ST8SIA4: variants seen among roughly 807,000 people sequenced by gnomAD.
ST8SIA4 encodes the protein ST8 alpha-N-acetyl-neuraminide alpha-2,8-sialyltransferase 4.
In ST8SIA4, 15 loss-of-function variants were observed where a neutral mutation model predicts 33.9. The observed-to-expected ratio is 0.44, with a 90% CI of 0.30 to 0.68. The LOEUF (loss-of-function observed/expected upper bound fraction) is 0.68, where lower values mean the gene tolerates loss of function less well. ST8SIA4 is among the 30% of genes least tolerant of loss of function. The pLI is 0.10. For synonymous variants in ST8SIA4, 171 were observed against 151.2 expected (o/e 1.13, Z -0.96); for missense variants, 321 against 428.0 (o/e 0.75, Z 2.21).
chr5:100,823,565 T>A (rs1230787943), intron 4 of ST8SIA4, among the ~76,000 whole-genome samples: 1 of 152,234 alleles, frequency 6.6e-6, no homozygotes, highest in East Asian at 1.9e-4. Flanking sequence ...AAATTTAAGT[T>A]CAGTTTCATT....
At chr5:100,874,959 G>A (rs1319708724) in intron 3 of ST8SIA4, among the ~76,000 whole-genome samples, 2 of 151,968 alleles carry the variant, frequency 1.3e-5, no homozygotes, top group African/African-American at 4.8e-5. Context: ...CAATCCAAGT[G>A]CAAAATTTAA....
intron 3 of ST8SIA4, among the ~76,000 whole-genome samples, chr5:100,865,566 C>A (rs1245787487): frequency 1.3e-5 from 2 of 152,146 alleles, no homozygotes; most frequent in African/African-American, 4.8e-5. Flanking sequence ...GTGACTATCC[C>A]AATGATATTT....
chr5:100,811,313 A>G lies in ST8SIA4; in HGVS notation c.*534T>C, dbSNP rs940543541. On this transcript the variant is annotated 3_prime_UTR_variant, in exon 5 of 5. Coordinates refer to ENST00000231461, the MANE Select transcript of ST8SIA4 (RefSeq NM_005668.6). The stretch of plus-strand genomic sequence containing the variant: ...CAATATCCAAACCAAAAGAGATTCC[A>G]GAAGACAAAAAAAAAACATAAATTA... 7 of 106,144 alleles carry G rather than the reference A, an allele frequency of 6.6e-5. No homozygotes were observed. Among genetic ancestry groups the G allele is most frequent in the African/African-American group, 2.2e-4 (7 of 31,272 alleles). 6.6% of individuals were successfully genotyped at this position (106,144 alleles called of 1,614,324 possible). A position where few individuals can be genotyped will look rare whatever the true frequency, so the allele number is the denominator to read the frequency against.
chr5:100,900,556 C>G, intron 1 of ST8SIA4: 1 of 453,874 alleles, frequency 2.2e-6, no homozygotes, highest in South Asian at 1.6e-5. Context: ...CTCAGGGAGC[C>G]TAGCTGCCCT....
chr5:100,889,544 C>G (rs992547427), intron 2 of ST8SIA4, among the ~76,000 whole-genome samples: 1 of 151,928 alleles, frequency 6.6e-6, no homozygotes, highest in African/African-American at 2.4e-5. Context: ...ACATGCTAGT[C>G]AACTAACGTC....
chr5:100,836,065 A>C (rs912674671), intron 4 of ST8SIA4, among the ~76,000 whole-genome samples: 5 of 152,106 alleles, frequency 3.3e-5, no homozygotes, highest in Non-Finnish European at 1.5e-5. Flanking sequence ...GAAAGAGAGA[A>C]ATACCTTGAG....
intron 4 of ST8SIA4, among the ~76,000 whole-genome samples, chr5:100,812,372 G>C (rs897708545): frequency 4.0e-5 from 6 of 151,758 alleles, no homozygotes; most frequent in Non-Finnish European, 8.8e-5. Flanking sequence ...CTGGAATGTA[G>C]GTGAATATTA....
chr5:100,896,434 A>G (rs975140498), intron 1 of ST8SIA4, among the ~76,000 whole-genome samples: 1 of 152,136 alleles, frequency 6.6e-6, no homozygotes, highest in East Asian at 1.9e-4. Context: ...TATTGGGAAG[A>G]AAGAGTGAAT....
intron 4 of ST8SIA4, chr5:100,849,416 T>A: frequency 1.0e-6 from 1 of 985,442 alleles, no homozygotes; most frequent in Non-Finnish European, 1.2e-6. Context: ...TTAGTTAGAA[T>A]TGTTCAAATC....
chr5:100,894,047 C>T (rs1324835715), intron 2 of ST8SIA4, among the ~76,000 whole-genome samples: 1 of 152,112 alleles, frequency 6.6e-6, no homozygotes, highest in Non-Finnish European at 1.5e-5. Flanking sequence ...ATAATTATCT[C>T]ATCTCTCACA....
chr5:100,852,680 T>C (rs773020781), intron 4 of ST8SIA4, among the ~76,000 whole-genome samples: 2 of 152,214 alleles, frequency 1.3e-5, no homozygotes, highest in Non-Finnish European at 2.9e-5. Flanking sequence ...TTACTGAATA[T>C]GGTTTCAAAA....
At position 100,846,867 on chromosome 5, in the gene ST8SIA4, A is replaced by C. The variant is rs187734609; in HGVS notation, c.797+9236T>G. ...TTCCAGTTTGAGCCACACACTTGGG[A>C]ATATCTTCTCAGACATAAACTATTT... On this transcript the variant is annotated intron_variant, in intron 4 of 4. Transcript: ENST00000231461. Among the ~76,000 whole-genome samples, 253 of 152,248 alleles carry C rather than the reference A, an allele frequency of 1.7e-3. 1 individual carries two copies. Among genetic ancestry groups the C allele is most frequent in the Non-Finnish European group, 2.9e-3 (195 of 67,972 alleles).
intron 4 of ST8SIA4, among the ~76,000 whole-genome samples, chr5:100,850,801 CAT>C (rs33937752): frequency 0.55 from 82,438 of 149,806 alleles, 24,133 homozygotes; most frequent in South Asian, 0.74. Context: ...ATATATATAA[CAT>C]GTGTGTGTAT....
chr5:100,872,466 C>T lies in ST8SIA4; in HGVS notation c.503+13877G>A, dbSNP rs577869865. Among the ~76,000 whole-genome samples the T allele has an allele frequency of 3.3e-5, 5 of 152,136 alleles. No homozygotes were observed. In the East Asian group the frequency reaches 7.7e-4, roughly 24 times the overall value. The stretch of plus-strand genomic sequence containing the variant: ...TGTCTGATAGGATTTAGCTGTGTCC[C>T]AACCCAAATCTCATCTTGAATTGTA... On this transcript the variant is annotated intron_variant, in intron 3 of 4. Transcript: ENST00000231461.
chr5:100,893,997 T>A (rs180996466), intron 2 of ST8SIA4, among the ~76,000 whole-genome samples: 128 of 152,284 alleles, frequency 8.4e-4, no homozygotes, highest in Non-Finnish European at 5.9e-5. Context: ...TATCTGTGTT[T>A]ATAACCCCAC....
chr5:100,862,345 T>C (rs1412726797), intron 3 of ST8SIA4, among the ~76,000 whole-genome samples: 1 of 152,080 alleles, frequency 6.6e-6, no homozygotes, highest in Non-Finnish European at 1.5e-5. Context: ...ATAAGAAAAA[T>C]ATTTTATTGT....
chr5:100,825,737 A>G (rs747815811), intron 4 of ST8SIA4, among the ~76,000 whole-genome samples: 21 of 152,318 alleles, frequency 1.4e-4, no homozygotes, highest in Admixed American at 6.5e-4. Context: ...GGCTATCGAT[A>G]TATAAATAAA....
At chr5:100,845,157 C>G (rs1398459566) in intron 4 of ST8SIA4, among the ~76,000 whole-genome samples, 2 of 151,906 alleles carry the variant, frequency 1.3e-5, no homozygotes, top group African/African-American at 4.8e-5. Flanking sequence ...GTTAACTGAC[C>G]ATGATCAATC....
chr5:100,886,579 T>C lies in ST8SIA4; in HGVS notation c.267A>G (p.Leu89=), dbSNP rs1752542975. 1 of 1,613,512 alleles carries C rather than the reference T, an allele frequency of 6.2e-7. No individual in the cohort carries two copies. The highest frequency in any genetic ancestry group is 8.5e-7 in the Non-Finnish European group (1 of 1,179,512). The stretch of plus-strand genomic sequence containing the variant: ...CCACTGACACATCTCGTTCTGCATC[T>C]AAGAAACGAAGTATGTTCTTCCTGT... ...LEIRKNILRF[L]DAERDVSVVK... The change falls in exon 3 of 5, where the codon TTA becomes TTG. Residue 89 remains leucine, a synonymous_variant. Coordinates refer to ENST00000231461, the MANE Select transcript of ST8SIA4 (RefSeq NM_005668.6).
Sources: allele counts gnomAD v4.1 joint callset (sites outside exome capture counted in the v4.1 genomes callset), GRCh38; gene constraint gnomAD v4.1.1; transcripts MANE v1.5; gene names NCBI Gene and HGNC (gene_info 2026-07-23, HGNC 2026-07-21).